The following IKZF2 variants were observed in gnomAD, a reference collection of about 807,000 sequenced individuals.
IKZF2 encodes the protein IKAROS family zinc finger 2.
A neutral mutation model predicts 49.2 loss-of-function variants in IKZF2; 15 were observed. The ratio of observed to expected loss-of-function variants is 0.30; its 90% CI spans 0.20 to 0.47. The LOEUF is 0.47. IKZF2 is among the 20% of genes least tolerant of loss of function. The pLI is 1.00. For synonymous variants in IKZF2, 227 were observed against 221.4 expected, an observed-to-expected ratio of 1.03 and a Z score of -0.23; for missense variants, 567 against 664.6, an observed-to-expected ratio of 0.85 and a Z score of 1.61.
intron 6 of IKZF2, among the ~76,000 whole-genome samples, chr2:213,027,608 T>C (rs1360321671): frequency 1.3e-5 from 2 of 151,838 alleles, no homozygotes; most frequent in African/African-American, 2.4e-5. Flanking sequence ...ATCCAGAACT[T>C]TCCTTTGTCC....
At chr2:213,134,270 G>A (rs2060578102) in intron 4 of IKZF2, among the ~76,000 whole-genome samples, 1 of 152,148 alleles carries the variant, frequency 6.6e-6, no homozygotes, top group African/African-American at 2.4e-5. Flanking sequence ...CATCTCCCAA[G>A]AGGGGGAAAA....
At chr2:213,027,024 T>C (rs1697890913) in intron 6 of IKZF2, among the ~76,000 whole-genome samples, 1 of 152,140 alleles carries the variant, frequency 6.6e-6, no homozygotes, top group South Asian at 2.1e-4. Flanking sequence ...ACATAGTCTC[T>C]TCCCCATGCT....
At chr2:213,142,105 A>C (rs2060896022) in intron 4 of IKZF2, among the ~76,000 whole-genome samples, 1 of 151,990 alleles carries the variant, frequency 6.6e-6, no homozygotes, top group Non-Finnish European at 1.5e-5. Flanking sequence ...TACTCTATTA[A>C]GGGAATTTTT....
At chr2:213,028,157 T>A (rs1201630959) in intron 6 of IKZF2, among the ~76,000 whole-genome samples, 2 of 152,092 alleles carry the variant, frequency 1.3e-5, no homozygotes, top group South Asian at 2.1e-4. Context: ...ATATTATCCT[T>A]TCCCCCCTTA....
intron 4 of IKZF2, among the ~76,000 whole-genome samples, chr2:213,065,546 T>C: frequency 6.6e-6 from 1 of 152,104 alleles, no homozygotes; most frequent in African/African-American, 2.4e-5. Context: ...TAAACACAAA[T>C]CATCAATATC....
chr2:213,139,387 T>C (rs1297554649), intron 4 of IKZF2, among the ~76,000 whole-genome samples: 2 of 151,980 alleles, frequency 1.3e-5, no homozygotes, highest in Admixed American at 1.3e-4. Flanking sequence ...TATATTAGGT[T>C]CTCTTAGTCT....
intron 6 of IKZF2, among the ~76,000 whole-genome samples, chr2:213,047,567 G>A (rs1386008854): frequency 6.6e-6 from 1 of 152,056 alleles, no homozygotes; most frequent in East Asian, 1.9e-4. Context: ...GTTCCCAAAA[G>A]AAGAATGTTT....
chr2:213,149,437 T>C (rs893649937), intron 2 of IKZF2, among the ~76,000 whole-genome samples: 1 of 152,132 alleles, frequency 6.6e-6, no homozygotes, highest in Non-Finnish European at 1.5e-5. Context: ...GTAAACTGTA[T>C]GAGATGACAC....
At chr2:213,136,302 G>A (rs1184910986) in intron 4 of IKZF2, among the ~76,000 whole-genome samples, 1 of 136,076 alleles carries the variant, frequency 7.3e-6, no homozygotes, top group Non-Finnish European at 1.5e-5. Context: ...ACCTGGGAGT[G>A]AAGGGTTGCA....
chr2:213,008,232 T>G lies in IKZF2; in HGVS notation c.857-148A>C. On this transcript the variant is annotated intron_variant, in intron 8 of 8. Transcript: ENST00000434687. ...ATATATTACTCTATAAGTCAAGTATTTGGGCAATTCTGCTGATGCTCACAC... is the reference window on the plus strand; with the variant it reads ...ATATATTACTCTATAAGTCAAGTATGTGGGCAATTCTGCTGATGCTCACAC... 3.0e-6 allele frequency: 3 copies of G among 999,180 alleles called. No individual in the cohort carries two copies. The South Asian group carries it at 5.8e-5, about 19-fold the overall frequency. 61.9% of individuals were successfully genotyped at this position (999,180 alleles called of 1,614,324 possible). A position where few individuals can be genotyped will look rare whatever the true frequency, so the allele number is the denominator to read the frequency against.
intron 4 of IKZF2, among the ~76,000 whole-genome samples, chr2:213,065,680 G>C (rs1336738692): frequency 6.6e-6 from 1 of 152,032 alleles, no homozygotes; most frequent in Non-Finnish European, 1.5e-5. Flanking sequence ...TTTTACAAAT[G>C]AGGAAACTGA....
intron 4 of IKZF2, among the ~76,000 whole-genome samples, chr2:213,112,317 A>C (rs940210972): frequency 6.8e-6 from 1 of 146,412 alleles, no homozygotes; most frequent in African/African-American, 2.6e-5. Flanking sequence ...TGGCTTGCAA[A>C]CTTTTTTTTG....
intron 4 of IKZF2, among the ~76,000 whole-genome samples, chr2:213,082,921 G>A (rs1171553668): frequency 6.6e-6 from 1 of 152,180 alleles, no homozygotes; most frequent in Non-Finnish European, 1.5e-5. Flanking sequence ...TTTCAGAGGA[G>A]AAATGTTGCT....
chr2:213,122,226 C>T lies in IKZF2; in HGVS notation c.139+25482G>A, dbSNP rs556291839. The stretch of plus-strand genomic sequence containing the variant: ...CAACCCTAAAGATGCAGTTCAGTCA[C>T]GTTCTTCTACCATCTTCTGAAAAGC... On this transcript the variant is annotated intron_variant, in intron 4 of 8. Coordinates refer to ENST00000434687, the MANE Select transcript of IKZF2 (RefSeq NM_001387220.1). Among the ~76,000 whole-genome samples, 5 of 152,320 alleles carry T rather than the reference C, an allele frequency of 3.3e-5. No individual in the cohort carries two copies. In the East Asian group the frequency reaches 7.7e-4, roughly 23 times the overall value.
Position 213,002,996 on chromosome 2 carries a change from T to C in IKZF2, c.*4364A>G, listed in dbSNP as rs1219082910. On this transcript the variant is annotated 3_prime_UTR_variant, in exon 9 of 9. Transcript: ENST00000434687. ...CAGAAATACTATGAAACTAAAAAGG[T>C]AGTAAAGTCTAGTTTCAAAGTTTCC... The C allele has an allele frequency of 6.6e-6, 1 of 151,980 alleles. No homozygotes were observed. Among genetic ancestry groups the C allele is most frequent in the Non-Finnish European group, 1.5e-5 (1 of 67,622 alleles). 9.4% of individuals were successfully genotyped at this position (151,980 alleles called of 1,614,324 possible).
rs1247348922 is a variant in IKZF2 at position 213,147,748 on chromosome 2, T to C, written c.99A>G (p.Thr33=). The part of the protein sequence containing the change: ...SNMAIDLTSS[T]PNGQHASPSH... ...TTGGTGAGGCATGCTGTCCATTGGG[T>C]GTGCTTGAGGTGAGGTCAATTGCCA... Residue 33 remains threonine, a synonymous_variant, in exon 4 of 9, where the codon ACA becomes ACG. Coordinates refer to ENST00000434687, the MANE Select transcript of IKZF2 (RefSeq NM_001387220.1). The C allele has an allele frequency of 3.1e-6, 5 of 1,614,038 alleles. No individual in the cohort carries two copies. Among genetic ancestry groups the C allele is most frequent in the Non-Finnish European group, 4.2e-6 (5 of 1,179,910 alleles).
At chr2:213,141,779 G>A (rs561426049) in intron 4 of IKZF2, among the ~76,000 whole-genome samples, 1 of 151,946 alleles carries the variant, frequency 6.6e-6, no homozygotes, top group East Asian at 1.9e-4. Flanking sequence ...GGAGGAAAAG[G>A]ACTCTATACT....
chr2:213,111,117 T>G (rs893440955), intron 4 of IKZF2, among the ~76,000 whole-genome samples: 1 of 152,050 alleles, frequency 6.6e-6, no homozygotes, highest in African/African-American at 2.4e-5. Flanking sequence ...GTAGAAATTT[T>G]TATTATTTTA....
At chr2:213,136,244 G>A (rs2060659194) in intron 4 of IKZF2, among the ~76,000 whole-genome samples, 2 of 148,750 alleles carry the variant, frequency 1.3e-5, no homozygotes, top group South Asian at 4.2e-4. Flanking sequence ...GGTGATGGGC[G>A]CCTGTAATCC....
Sources: allele counts gnomAD v4.1 joint callset (sites outside exome capture counted in the v4.1 genomes callset), GRCh38; gene constraint gnomAD v4.1.1; transcripts MANE v1.5; gene names NCBI Gene and HGNC (gene_info 2026-07-23, HGNC 2026-07-21).